TSPEAR: variants seen among roughly 807,000 people sequenced by gnomAD.
TSPEAR encodes the protein thrombospondin type laminin G domain and EAR repeats.
Under a neutral mutation model 71.6 loss-of-function variants are expected in TSPEAR, and 69 were observed. The observed-to-expected ratio is 0.96, with a 90% confidence interval of 0.79 to 1.18. TSPEAR has a LOEUF of 1.18. TSPEAR is among the 50% of genes most tolerant of loss of function. TSPEAR has a pLI of 0.00. For synonymous variants in TSPEAR, 402 were observed against 387.2 expected (o/e 1.04, Z -0.45); for missense variants, 971 against 894.9 (o/e 1.09, Z -1.09).
intron 9 of TSPEAR, among the ~76,000 whole-genome samples, chr21:44,514,632 G>A (rs1357025108): frequency 1.3e-5 from 2 of 152,180 alleles, no homozygotes; most frequent in Non-Finnish European, 2.9e-5. Flanking sequence ...TGGTGACCGC[G>A]ACTGCACGGC....
intron 1 of TSPEAR, among the ~76,000 whole-genome samples, chr21:44,679,587 C>A (rs1986482966): frequency 6.6e-6 from 1 of 152,104 alleles, no homozygotes; most frequent in Non-Finnish European, 1.5e-5. Context: ...CCTGAATAGC[C>A]AAAGTTATCC....
chr21:44,671,034 C>T (rs1555945825), intron 1 of TSPEAR, among the ~76,000 whole-genome samples: 1 of 152,224 alleles, frequency 6.6e-6, no homozygotes, highest in Admixed American at 6.5e-5. Context: ...CCTGGCACTG[C>T]ACCCTCAGTG....
chr21:44,591,679 G>T (rs781834191), intron 1 of TSPEAR: 2 of 1,579,410 alleles, frequency 1.3e-6, no homozygotes, highest in Non-Finnish European at 1.7e-6. Flanking sequence ...CACACAGCAG[G>T]CGTGCTGGCA....
At chr21:44,572,582 T>A in intron 1 of TSPEAR, among the ~76,000 whole-genome samples, 1 of 151,760 alleles carries the variant, frequency 6.6e-6, no homozygotes, top group East Asian at 1.9e-4. Flanking sequence ...AAGAAACACT[T>A]CTGCCGTGCT....
rs188510491 is a variant in TSPEAR, at chr21:44,627,992, C to T, written c.83-59987G>A. ...TCCTGTGTGTCCCTTCTCTGCCGCC[C>T]TGTGTGCTCCCGCCCGGCCTGCTAC... On this transcript the variant is annotated intron_variant, in intron 1 of 11. Transcript: ENST00000323084. 7 of 1,611,212 alleles carry T rather than the reference C, an allele frequency of 4.3e-6. No individual in the cohort carries two copies. The African/African-American group carries it at 9.3e-5, about 21-fold the overall frequency.
intron 1 of TSPEAR, chr21:44,682,165 T>A (rs782386756): frequency 6.3e-7 from 1 of 1,596,922 alleles, no homozygotes; most frequent in Non-Finnish European, 8.5e-7. Flanking sequence ...AGGGCAGTGA[T>A]GTCTGGGGAT....
At chr21:44,709,733 G>C (rs1056022310) in intron 1 of TSPEAR, among the ~76,000 whole-genome samples, 1 of 152,256 alleles carries the variant, frequency 6.6e-6, no homozygotes, top group East Asian at 1.9e-4. Flanking sequence ...CGGGGCCCAC[G>C]CTAAGGCGGA....
intron 9 of TSPEAR, among the ~76,000 whole-genome samples, chr21:44,511,368 A>ACG (rs1555912668): frequency 2.4e-4 from 37 of 151,300 alleles, no homozygotes; most frequent in African/African-American, 8.6e-4. Context: ...GTGTACACAC[A>ACG]CACATATATG....
chr21:44,708,007 GCACACACACACACACACACACACACA>G (rs58196199), intron 1 of TSPEAR, among the ~76,000 whole-genome samples: 22 of 122,330 alleles, frequency 1.8e-4, no homozygotes, highest in African/African-American at 6.7e-4. Context: ...CCCCGCGCGT[GCACACACACACACACACACACACACA>G]CACACACACA....
chr21:44,640,172 C>A (rs1983944322), intron 1 of TSPEAR, among the ~76,000 whole-genome samples: 1 of 152,168 alleles, frequency 6.6e-6, no homozygotes, highest in Admixed American at 6.5e-5. Flanking sequence ...CAAAACACAG[C>A]CTATCCACAC....
rs145545716 is a variant in TSPEAR, at chr21:44,612,166, T to A, written c.83-44161A>T. The A allele has an allele frequency of 5.8e-4, 937 of 1,613,964 alleles. No individual in the cohort carries two copies. The highest frequency in any genetic ancestry group is 7.3e-4 in the Non-Finnish European group (859 of 1,180,002). The stretch of plus-strand genomic sequence containing the variant: ...CATCCACCATGTCTGTCTGCTCCAG[T>A]GACGTGGGCCATGTCAGCCGAGTCT... On this transcript the variant is annotated intron_variant, in intron 1 of 11. Transcript: ENST00000323084. The surrounding 1 kb of genome is among the most constrained non-coding windows in gnomAD (Gnocchi z 4.1).
chr21:44,676,059 A>G (rs587773372), intron 1 of TSPEAR: 1 of 873,382 alleles, frequency 1.1e-6, no homozygotes, highest in South Asian at 1.3e-5. Context: ...TCAATGCAAT[A>G]GGAGGCATAT....
intron 2 of TSPEAR, among the ~76,000 whole-genome samples, chr21:44,549,223 T>G (rs2053356819): frequency 1.3e-5 from 2 of 152,022 alleles, no homozygotes; most frequent in African/African-American, 4.8e-5. Context: ...GAAAGGAATG[T>G]GAGCTGGTGC....
At chr21:44,500,607 G>C (rs587595195) in intron 11 of TSPEAR, among the ~76,000 whole-genome samples, 2 of 152,328 alleles carry the variant, frequency 1.3e-5, no homozygotes, top group East Asian at 3.9e-4. Flanking sequence ...CTGCTCTCAC[G>C]GGAAAGGGCA....
chr21:44,640,113 C>T (rs1291092449), intron 1 of TSPEAR, among the ~76,000 whole-genome samples: 3 of 152,186 alleles, frequency 2.0e-5, no homozygotes, highest in Admixed American at 1.3e-4. Context: ...CTGACAGTAG[C>T]CAAGAAGTGG....
chr21:44,528,697 C>A, intron 5 of TSPEAR, 114 bp from the exon 6 acceptor site: 1 of 1,375,440 alleles, frequency 7.3e-7, no homozygotes, highest in Non-Finnish European at 9.8e-7. Context: ...GCATGCGGGC[C>A]TGGAAGGGCC....
intron 11 of TSPEAR, among the ~76,000 whole-genome samples, chr21:44,504,397 A>G (rs1355663103): frequency 7.9e-6 from 1 of 126,822 alleles, no homozygotes; most frequent in African/African-American, 3.1e-5. Context: ...GGCCTCGGTG[A>G]GCCCTCGGGG....
intron 10 of TSPEAR, chr21:44,507,236 G>C (rs1263236554): frequency 1.4e-4 from 22 of 152,214 alleles, no homozygotes; most frequent in African/African-American, 5.3e-4. Context: ...CCTTGTGAGG[G>C]GATGAGAATG....
chr21:44,539,877 A>T (rs1489345438), intron 2 of TSPEAR: 1 of 1,573,912 alleles, frequency 6.4e-7, no homozygotes, highest in East Asian at 2.3e-5. Context: ...CAGGGGGAGG[A>T]GGTGCAGCAA....
Sources: allele counts gnomAD v4.1 joint callset (sites outside exome capture counted in the v4.1 genomes callset), GRCh38; gene constraint gnomAD v4.1.1; non-coding constraint Gnocchi (gnomAD v3.1); transcripts MANE v1.5; gene names NCBI Gene and HGNC (gene_info 2026-07-23, HGNC 2026-07-21).